The following CUL5 variants were observed in gnomAD, a reference collection of about 807,000 sequenced individuals.
CUL5 encodes the protein cullin 5.
CUL5 carries 26 observed loss-of-function variants against 108.8 expected under a neutral mutation model. The observed-to-expected ratio is 0.24, with a 90% CI of 0.18 to 0.33. CUL5 has a LOEUF of 0.33. Ranked by LOEUF, CUL5 falls within the 10% of genes least tolerant of loss-of-function variation. CUL5 has a pLI of 1.00. For missense variants in CUL5, 524 were observed against 909.2 expected, an observed-to-expected ratio of 0.58 and a Z score of 5.45; for synonymous variants, 334 against 298.0, an observed-to-expected ratio of 1.12 and a Z score of -1.25.
chr11:108,033,840 T>G lies in CUL5; in HGVS notation c.63T>G (p.Phe21Leu), dbSNP rs768609343. The G allele has an allele frequency of 6.2e-7, 1 of 1,613,444 alleles. No homozygotes were observed. Among genetic ancestry groups the G allele is most frequent in the Non-Finnish European group, 8.5e-7 (1 of 1,179,564 alleles). ...TTCAGTTTGAAGACAAATGGGATTT[T>G]ATGCGCCCGATTGTTTTGAAGCTTT... ...GSLQFEDKWD[F>L]MRPIVLKLLR... is the part of the protein sequence containing the mutation. The change falls in exon 2 of 19, where the codon TTT becomes TTG. Residue 21 changes from phenylalanine to leucine, a missense_variant. Physicochemically the swap from Phe to Leu is conservative, Grantham distance 22 (BLOSUM62 0). Coordinates refer to ENST00000393094, the MANE Select transcript of CUL5 (RefSeq NM_003478.6).
chr11:108,031,951 T>C lies in CUL5; in HGVS notation c.25-1851T>C, dbSNP rs539176008. Among the ~76,000 whole-genome samples, 202 of 152,190 alleles carry C rather than the reference T, an allele frequency of 1.3e-3. 1 individual carries two copies. The highest frequency in any genetic ancestry group is 3.0e-3 in the African/African-American group (125 of 41,500). On this transcript the variant is annotated intron_variant, in intron 1 of 18. Transcript: ENST00000393094. ...ACCAAATATTGCATGTTCTCACTTA[T>C]AAGTGGGAGCTAAATGATGAGAACA...
chr11:108,012,523 CTTTTTTT>C, intron 1 of CUL5, among the ~76,000 whole-genome samples: 1 of 134,078 alleles, frequency 7.5e-6, no homozygotes. Context: ...TCCCCTCTTA[CTTTTTTT>C]TTTTTTTTTT....
intron 4 of CUL5, 54 bp downstream of exon 4, chr11:108,050,120 T>A (rs1303522173): frequency 1.4e-6 from 2 of 1,442,840 alleles, no homozygotes; most frequent in Non-Finnish European, 1.9e-6. Context: ...GAGGGTAATT[T>A]GGAAGCATTT....
chr11:108,068,191 T>C (rs1266698930), intron 7 of CUL5, among the ~76,000 whole-genome samples: 1 of 152,234 alleles, frequency 6.6e-6, no homozygotes, highest in Non-Finnish European at 1.5e-5. Flanking sequence ...GTGCTGGGAT[T>C]ATAGGCTATG....
chr11:108,082,423 G>A (rs1383137413), intron 11 of CUL5, among the ~76,000 whole-genome samples: 2 of 151,888 alleles, frequency 1.3e-5, no homozygotes, highest in Non-Finnish European at 1.5e-5. Context: ...TAGGACCACA[G>A]GTTCAGGCCA....
intron 1 of CUL5, among the ~76,000 whole-genome samples, chr11:108,024,782 TA>T (rs751830357): frequency 8.0e-5 from 12 of 150,874 alleles, no homozygotes; most frequent in Non-Finnish European, 1.5e-4. Context: ...ATATTTGCAA[TA>T]AAAAAAAATA....
intron 11 of CUL5, among the ~76,000 whole-genome samples, chr11:108,084,523 A>C (rs1197876343): frequency 6.6e-6 from 1 of 152,206 alleles, no homozygotes; most frequent in African/African-American, 2.4e-5. Context: ...AGATGGACTG[A>C]TTCCCTTTCA....
chr11:108,050,609 C>G (rs994983999), intron 4 of CUL5, among the ~76,000 whole-genome samples: 1 of 152,126 alleles, frequency 6.6e-6, no homozygotes, highest in African/African-American at 2.4e-5. Flanking sequence ...CTCAGGTGAT[C>G]TGCCTGCCTC....
At chr11:108,091,766 T>C (rs1043379113) in intron 13 of CUL5, among the ~76,000 whole-genome samples, 1 of 150,388 alleles carries the variant, frequency 6.6e-6, no homozygotes, top group African/African-American at 2.5e-5. Context: ...AGGATTCGAA[T>C]TGACATCTCT....
chr11:108,079,782 T>G (rs564920102), intron 11 of CUL5, among the ~76,000 whole-genome samples: 21 of 152,194 alleles, frequency 1.4e-4, no homozygotes, highest in Non-Finnish European at 2.8e-4. Flanking sequence ...GCTGTCCTGA[T>G]TAATTCCCTC....
At chr11:108,010,036 C>G (rs552901136) in intron 1 of CUL5, among the ~76,000 whole-genome samples, 1 of 152,350 alleles carries the variant, frequency 6.6e-6, no homozygotes, top group Non-Finnish European at 1.5e-5. Flanking sequence ...GGAAAGTTAC[C>G]TTGTCAAAGA....
At chr11:108,062,221 C>CT (rs35921693) in intron 7 of CUL5, among the ~76,000 whole-genome samples, 30,215 of 152,046 alleles carry the variant, frequency 0.2, 3,130 homozygotes, top group Non-Finnish European at 0.23. Flanking sequence ...TTAAATACCT[C>CT]TATCTTTTTA....
chr11:108,042,191 C>T (rs1387236918), intron 2 of CUL5, among the ~76,000 whole-genome samples: 1 of 149,132 alleles, frequency 6.7e-6, no homozygotes, highest in Non-Finnish European at 1.5e-5. Flanking sequence ...TTATAGTCCA[C>T]TGCAGTTACC....
intron 3 of CUL5, among the ~76,000 whole-genome samples, chr11:108,047,339 G>A (rs911032624): frequency 6.6e-6 from 1 of 151,962 alleles, no homozygotes; most frequent in Non-Finnish European, 1.5e-5. Flanking sequence ...AAAACAAAAA[G>A]GTCTGGTCTG....
Position 108,094,473 on chromosome 11 carries a change from C to T in CUL5, c.1526C>T (p.Ala509Val). The change falls in exon 14 of 19, where the codon GCT (alanine) becomes GTT (valine). Residue 509 changes from alanine (A) to valine (V), a missense_variant. Coordinates refer to ENST00000393094, the MANE Select transcript of CUL5 (RefSeq NM_003478.6). ...AAAGTATCTGAAGATTTGAACCAAG[C>T]TTTTAAGGAAATGCACAAAAATAAT... ...DIKVSEDLNQ[A>V]FKEMHKNNKL... 6.5e-7 allele frequency: 1 copy of T among 1,528,856 alleles called. No homozygotes were observed. The allele number at this position is 1,528,856 out of a possible 1,614,324, so 94.7% of individuals were successfully genotyped here.
chr11:108,020,666 GC>G lies in CUL5; in HGVS notation c.24+11296del, dbSNP rs1483164034. Among the ~76,000 whole-genome samples, 27 of 152,206 alleles carry G rather than the reference GC, an allele frequency of 1.8e-4. 1 individual carries two copies. Among genetic ancestry groups the G allele is most frequent in the Admixed American group, 1.6e-3 (25 of 15,302 alleles). On this transcript the variant is annotated intron_variant, in intron 1 of 18. Transcript: ENST00000393094. ...CAGAGGGCTAGGATTAGAGGCGTGA[GC>G]CACTGTGCCTGGCCTTGTGTTTGTG...
chr11:108,085,878 T>C (rs1864209943), intron 11 of CUL5, among the ~76,000 whole-genome samples: 1 of 152,182 alleles, frequency 6.6e-6, no homozygotes, highest in Admixed American at 6.6e-5. Flanking sequence ...TTTATTATGG[T>C]GATGATTACG....
intron 7 of CUL5, among the ~76,000 whole-genome samples, chr11:108,058,401 A>G (rs2135148881): frequency 6.6e-6 from 1 of 151,206 alleles, no homozygotes; most frequent in Non-Finnish European, 1.5e-5. Flanking sequence ...GGTGCCCACC[A>G]CCACACCCGG....
intron 1 of CUL5, among the ~76,000 whole-genome samples, chr11:108,010,781 A>C (rs1237631420): frequency 6.6e-6 from 1 of 152,150 alleles, no homozygotes; most frequent in East Asian, 1.9e-4. Flanking sequence ...TGGTATAGCA[A>C]ATTTCTCATG....
Sources: allele counts gnomAD v4.1 joint callset (sites outside exome capture counted in the v4.1 genomes callset), GRCh38; gene constraint gnomAD v4.1.1; transcripts MANE v1.5; gene names NCBI Gene and HGNC (gene_info 2026-07-23, HGNC 2026-07-21).